NCOA3: variants seen among roughly 807,000 people sequenced by gnomAD.
The protein encoded by NCOA3 is CBP-interacting protein.
A neutral mutation model predicts 158.8 loss-of-function variants in NCOA3; 51 were observed. The observed-to-expected ratio is 0.32, with a 90% CI of 0.26 to 0.41. The LOEUF (loss-of-function observed/expected upper bound fraction) is 0.41, where lower values mean the gene tolerates loss of function less well. Among genes scored for constraint, NCOA3 ranks in the 10% least tolerant of loss-of-function variants. NCOA3 has a pLI of 1.00. For missense variants in NCOA3, 1,510 were observed against 1,746.6 expected, an observed-to-expected ratio of 0.86 and a Z score of 2.41; for synonymous variants, 537 against 592.4, an observed-to-expected ratio of 0.91 and a Z score of 1.36.
chr20:47,650,089 TC>T (rs1471381212), intron 19 of NCOA3, among the ~76,000 whole-genome samples: 1 of 151,966 alleles, frequency 6.6e-6, no homozygotes, highest in Non-Finnish European at 1.5e-5. Context: ...CTTTCATAGT[TC>T]CTGAAAAATT....
chr20:47,520,973 G>C (rs2084322591), intron 1 of NCOA3, among the ~76,000 whole-genome samples: 1 of 152,240 alleles, frequency 6.6e-6, no homozygotes, highest in Admixed American at 6.5e-5. Flanking sequence ...AACACCGCAA[G>C]TACGGTTGTT....
At chr20:47,504,525 C>T (rs932072134) in intron 1 of NCOA3, among the ~76,000 whole-genome samples, 7 of 137,956 alleles carry the variant, frequency 5.1e-5, no homozygotes, top group African/African-American at 1.4e-4. Context: ...TTCTTTCTGC[C>T]GGGCTGCAGT....
chr20:47,606,546 T>C (rs2146268960), intron 2 of NCOA3, among the ~76,000 whole-genome samples: 1 of 152,322 alleles, frequency 6.6e-6, no homozygotes, highest in Middle Eastern at 3.4e-3. Context: ...CACCTGGCCC[T>C]CATTCCCTTT....
intron 1 of NCOA3, among the ~76,000 whole-genome samples, chr20:47,568,889 T>G (rs184973431): frequency 1.3e-5 from 2 of 152,212 alleles, no homozygotes; most frequent in Admixed American, 1.3e-4. Flanking sequence ...TGCCTCAGTA[T>G]TGATGGATGC....
intron 1 of NCOA3, among the ~76,000 whole-genome samples, chr20:47,570,015 A>C (rs1055832834): frequency 8.8e-5 from 13 of 147,854 alleles, no homozygotes; most frequent in Admixed American, 2.7e-4. Context: ...GTCTCAAAAA[A>C]AACAACAAAA....
intron 2 of NCOA3, among the ~76,000 whole-genome samples, chr20:47,601,657 G>A (rs1568717158): frequency 6.6e-6 from 1 of 152,126 alleles, no homozygotes; most frequent in Non-Finnish European, 1.5e-5. Context: ...GATTTTGTCT[G>A]TTTCCAAAAA....
chr20:47,634,304 G>A (rs1244204727), intron 10 of NCOA3, 109 bp downstream of exon 10: 1 of 1,097,082 alleles, frequency 9.1e-7, no homozygotes, highest in Non-Finnish European at 1.3e-6. Flanking sequence ...ATTTAGGAAG[G>A]TTATTGGGTT....
intron 2 of NCOA3, among the ~76,000 whole-genome samples, chr20:47,605,690 C>T (rs745936462): frequency 4.6e-5 from 7 of 152,028 alleles, no homozygotes; most frequent in Non-Finnish European, 8.8e-5. Flanking sequence ...CAGTTGGGTT[C>T]ATGGAGTTAT....
intron 2 of NCOA3, among the ~76,000 whole-genome samples, chr20:47,603,413 G>C (rs1283756559): frequency 4.6e-5 from 7 of 152,236 alleles, no homozygotes. Context: ...CCTGGGCTCT[G>C]TTCTCATGGG....
chr20:47,651,399 A>C, intron 20 of NCOA3, 123 bp downstream of exon 20: 1 of 1,429,956 alleles, frequency 7.0e-7, no homozygotes, highest in Non-Finnish European at 9.3e-7. Context: ...TCACAAGGAA[A>C]ACCAAATTAA....
chr20:47,542,019 T>TGTTG (rs1458269818), intron 1 of NCOA3, among the ~76,000 whole-genome samples: 3 of 117,826 alleles, frequency 2.5e-5, no homozygotes, highest in African/African-American at 9.7e-5. Context: ...GTTTTTTTTT[T>TGTTG]TTTTTTTTTT....
chr20:47,553,549 C>T (rs183482083), intron 1 of NCOA3, among the ~76,000 whole-genome samples: 25 of 137,116 alleles, frequency 1.8e-4, no homozygotes, highest in African/African-American at 5.8e-4. Flanking sequence ...CCCTCCCCCC[C>T]TCCCCCCACC....
chr20:47,572,413 G>GAA lies in NCOA3; in HGVS notation c.-98-10762_-98-10761dup, dbSNP rs375734611. Among the ~76,000 whole-genome samples, 4 of 149,882 alleles carry GAA rather than the reference G, an allele frequency of 2.7e-5. 1 individual carries two copies. The highest frequency in any genetic ancestry group is 9.8e-5 in the African/African-American group (4 of 40,890). On this transcript the variant is annotated intron_variant, in intron 1 of 22. Coordinates refer to ENST00000371998, the MANE Select transcript of NCOA3 (RefSeq NM_181659.3). The stretch of plus-strand genomic sequence containing the variant: ...GAACGAGACCCAGTATCTAGTAAAA[G>GAA]AAAAAAAAACAGTACTTGTCTCTTC...
chr20:47,544,313 C>G (rs1284711445), intron 1 of NCOA3, among the ~76,000 whole-genome samples: 1 of 123,266 alleles, frequency 8.1e-6, no homozygotes, highest in Admixed American at 8.4e-5. Flanking sequence ...TTATTTAATA[C>G]TACTTTTTTT....
At chr20:47,618,370 T>TTTTTTTTA (rs1555811916) in intron 2 of NCOA3, among the ~76,000 whole-genome samples, 1 of 142,096 alleles carries the variant, frequency 7.0e-6, no homozygotes, top group Non-Finnish European at 1.5e-5. Context: ...TTTTTTTTTT[T>TTTTTTTTA]ATAGACAGAA....
At chr20:47,573,161 G>A (rs2085320423) in intron 1 of NCOA3, among the ~76,000 whole-genome samples, 1 of 152,166 alleles carries the variant, frequency 6.6e-6, no homozygotes, top group Admixed American at 6.5e-5. Context: ...CACTTTAGGA[G>A]GCTGAGGTGG....
intron 1 of NCOA3, among the ~76,000 whole-genome samples, chr20:47,530,221 T>C (rs1178720052): frequency 6.6e-6 from 1 of 152,256 alleles, no homozygotes; most frequent in Non-Finnish European, 1.5e-5. Flanking sequence ...TTCCTGATTG[T>C]TTCAAATGGT....
At chr20:47,590,792 G>C (rs760844887) in intron 2 of NCOA3, among the ~76,000 whole-genome samples, 13 of 150,868 alleles carry the variant, frequency 8.6e-5, no homozygotes, top group African/African-American at 1.2e-4. Context: ...TCCTGGGCAA[G>C]AGACCAAGAC....
At chr20:47,514,713 C>CTTTTTTTTTTTTTTTTTTTTTTTTTCT (rs143888226) in intron 1 of NCOA3, among the ~76,000 whole-genome samples, 1 of 104,998 alleles carries the variant, frequency 9.5e-6, no homozygotes, top group Non-Finnish European at 1.9e-5. Context: ...TTGTTTTTTG[C>CTTTTTTTTTTTTTTTTTTTTTTTTTCT]TTTTTTTTTT....
Sources: gnomAD v4.1 joint callset for allele counts (sites outside exome capture counted in the v4.1 genomes callset) on GRCh38, gnomAD v4.1.1 for gene constraint, MANE v1.5 for transcripts, NCBI Gene and HGNC (gene_info 2026-07-23, HGNC 2026-07-21) for gene names.